The following KCNQ1 variants were observed in gnomAD, a reference collection of about 807,000 sequenced individuals.
KCNQ1 encodes the protein potassium voltage-gated channel subfamily KQT member 1.
KCNQ1 carries 49 observed loss-of-function variants against 72.4 expected under a neutral mutation model. The observed-to-expected ratio is 0.68, with a 90% CI of 0.54 to 0.86. KCNQ1 has a LOEUF of 0.86. KCNQ1 is among the 40% of genes least tolerant of loss of function. The pLI is 0.00. For missense variants in KCNQ1, 790 were observed against 945.1 expected, an observed-to-expected ratio of 0.84 and a Z score of 2.15; for synonymous variants, 450 against 412.6, an observed-to-expected ratio of 1.09 and a Z score of -1.10.
Position 2,600,544 on chromosome 11 carries a change from T to G in KCNQ1, c.1393+11690T>G, listed in dbSNP as rs79788924. On this transcript the variant is annotated intron_variant, in intron 10 of 15. Transcript: ENST00000155840. This position sits in a 1 kb window ranked among gnomAD's most constrained non-coding sequence, Gnocchi z 5.6. ...TCCACAGCTCTTTGCCCCTAAACAT[T>G]TTGCTGTGTATTTCTGAAAAATAAA... Among the ~76,000 whole-genome samples the G allele has an allele frequency of 2.4e-3, 358 of 152,322 alleles. 1 individual carries two copies. The highest frequency in any genetic ancestry group is 7.3e-3 in the African/African-American group (304 of 41,572).
At chr11:2,689,256 C>T (rs1333119363) in intron 11 of KCNQ1, 5 of 398,590 alleles carry the variant, frequency 1.3e-5, no homozygotes, top group African/African-American at 8.2e-5. Context: ...CCTTGGAGGA[C>T]GTTCCTATCA....
intron 10 of KCNQ1, chr11:2,660,089 T>C (rs1849924978): frequency 1.5e-5 from 6 of 398,468 alleles, no homozygotes; most frequent in Non-Finnish European, 2.7e-5. Context: ...AGTTAAACTT[T>C]TGGTTTCGTA....
At position 2,847,931 on chromosome 11, in the gene KCNQ1, C is replaced by A. The variant is rs1193004834; in HGVS notation, c.1959C>A (p.Phe653Leu). Residue 653 changes from phenylalanine to leucine, a missense_variant, in exon 16 of 16, where the codon TTC becomes TTA. By Grantham distance (22) the Phe-to-Leu change is conservative (BLOSUM62 0). Around this residue, in one of 5 missense-constraint regions of KCNQ1, gnomAD observed 94 missense variants for 85.2 expected, o/e 1.10. Coordinates refer to ENST00000155840, the MANE Select transcript of KCNQ1 (RefSeq NM_000218.3). The stretch of plus-strand genomic sequence containing the variant: ...GCGGCTCCGTCGACCCTGAGCTCTT[C>A]CTGCCCAGCAACACCCTGCCCACCT... ...GSGGSVDPEL[F>L]LPSNTLPTYE... The A allele has an allele frequency of 2.5e-6, 4 of 1,575,460 alleles. No homozygotes were observed. The highest frequency in any genetic ancestry group is 3.4e-6 in the Non-Finnish European group (4 of 1,160,164).
At chr11:2,757,803 G>A (rs746423059) in intron 11 of KCNQ1, among the ~76,000 whole-genome samples, 44 of 152,174 alleles carry the variant, frequency 2.9e-4, no homozygotes, top group African/African-American at 7.2e-4. Context: ...AAAATTCAGC[G>A]GAGGAAGACT....
chr11:2,586,815 C>A (rs1313672101), intron 8 of KCNQ1, among the ~76,000 whole-genome samples: 1 of 152,092 alleles, frequency 6.6e-6, no homozygotes, highest in African/African-American at 2.4e-5. Context: ...CTCCACTCGG[C>A]CCTCTCTCAG....
rs1278789853 is a variant in KCNQ1 at position 2,493,029 on chromosome 11, AT to A, written c.387-34893del. On this transcript the variant is annotated intron_variant, in intron 1 of 15. Transcript: ENST00000155840. The surrounding 1 kb of genome is among the most constrained non-coding windows in gnomAD (Gnocchi z 5.3). Reference sequence around the variant, plus strand: ...CCTCTCCAGCATCTGTTGTTTCCTGATTTTTTAGTGATCGCCATTCTAACTG... The same window carrying A: ...CCTCTCCAGCATCTGTTGTTTCCTGATTTTTAGTGATCGCCATTCTAACTG... 6.6e-6 allele frequency among the ~76,000 whole-genome samples: 1 copy of A among 151,988 alleles called. No individual in the cohort carries two copies. Among genetic ancestry groups the A allele is most frequent in the African/African-American group, 2.4e-5 (1 of 41,354 alleles).
At position 2,734,933 on chromosome 11, in the gene KCNQ1, A is replaced by G. The variant is rs1845930173; in HGVS notation, c.1515-33911A>G. Among the ~76,000 whole-genome samples, 2 of 151,758 alleles carry G rather than the reference A, an allele frequency of 1.3e-5. No homozygotes were observed. Among genetic ancestry groups the G allele is most frequent in the Admixed American group, 6.6e-5 (1 of 15,264 alleles). On this transcript the variant is annotated intron_variant, in intron 11 of 15. Transcript: ENST00000155840. The surrounding 1 kb of genome is among the most constrained non-coding windows in gnomAD (Gnocchi z 7.0). Reference sequence around the variant, plus strand: ...TCCAGGAGGCTTCTGGGCCAGCAGCATGTTCCAGTGCGACACATGTGCCCC... The same window carrying G: ...TCCAGGAGGCTTCTGGGCCAGCAGCGTGTTCCAGTGCGACACATGTGCCCC...
Position 2,608,137 on chromosome 11 carries a change from G to A in KCNQ1, c.1393+19283G>A, listed in dbSNP as rs1329006562. The stretch of plus-strand genomic sequence containing the variant: ...CAGGGTGATACTGGACTGAAAGAAT[G>A]TATTGGAAAAATTTTCCTTCTCTTC... On this transcript the variant is annotated intron_variant, in intron 10 of 15. Transcript: ENST00000155840. This position sits in a 1 kb window ranked among gnomAD's most constrained non-coding sequence, Gnocchi z 4.6. Among the ~76,000 whole-genome samples the A allele has an allele frequency of 2.0e-5, 3 of 152,166 alleles. No individual in the cohort carries two copies. Among genetic ancestry groups the A allele is most frequent in the Non-Finnish European group, 4.4e-5 (3 of 68,024 alleles).
In KCNQ1 at chr11:2,663,496, G is replaced by T; in HGVS notation, c.1514+1415G>T. The T allele has an allele frequency of 2.5e-6, 1 of 398,680 alleles. No homozygotes were observed. The highest frequency in any genetic ancestry group is 1.3e-4 in the South Asian group (1 of 7,854). 24.7% of individuals were successfully genotyped at this position (398,680 alleles called of 1,614,324 possible). On this transcript the variant is annotated intron_variant, in intron 11 of 15. Coordinates refer to ENST00000155840, the MANE Select transcript of KCNQ1 (RefSeq NM_000218.3). The surrounding 1 kb of genome is among the most constrained non-coding windows in gnomAD (Gnocchi z 5.2). The stretch of plus-strand genomic sequence containing the variant: ...GGCTCATGTTGTGTGCAATACAGGT[G>T]GCAGTGCCTGTATTGCCTCTTGGCT...
At position 2,668,319 on chromosome 11, in the gene KCNQ1, G is replaced by C. The variant is rs1195884145; in HGVS notation, c.1514+6238G>C. Reference sequence around the variant, plus strand: ...CAGGTTGCGTTTCTGGGGAATATATGCCTATGTGTGGAGCTGCAGGGTCCT... The same window carrying C: ...CAGGTTGCGTTTCTGGGGAATATATCCCTATGTGTGGAGCTGCAGGGTCCT... On this transcript the variant is annotated intron_variant, in intron 11 of 15. Coordinates refer to ENST00000155840, the MANE Select transcript of KCNQ1 (RefSeq NM_000218.3). This position sits in a 1 kb window ranked among gnomAD's most constrained non-coding sequence, Gnocchi z 4.3. 1 of 398,488 alleles carries C rather than the reference G, an allele frequency of 2.5e-6. No homozygotes were observed. The highest frequency in any genetic ancestry group is 2.1e-5 in the African/African-American group (1 of 48,604). 24.7% of individuals were successfully genotyped at this position (398,488 alleles called of 1,614,324 possible).
chr11:2,667,244 G>A lies in KCNQ1; in HGVS notation c.1514+5163G>A, dbSNP rs1590019040. 1.8e-5 allele frequency: 7 copies of A among 398,674 alleles called. No individual in the cohort carries two copies. In the East Asian group the frequency reaches 2.5e-4, roughly 14 times the overall value. The allele number at this position is 398,674 out of a possible 1,614,324, so 24.7% of individuals were successfully genotyped here. On this transcript the variant is annotated intron_variant, in intron 11 of 15. Coordinates refer to ENST00000155840, the MANE Select transcript of KCNQ1 (RefSeq NM_000218.3). ...TCCAAACTTCACTTCCTCCGTCTGA[G>A]CACGTGAGGAAGAAGCGGCTGGCCT...
chr11:2,532,337 G>C (rs1017289693), intron 2 of KCNQ1, among the ~76,000 whole-genome samples: 1 of 152,218 alleles, frequency 6.6e-6, no homozygotes, highest in Non-Finnish European at 1.5e-5. Context: ...GGATGACCCA[G>C]CTTGGTATGT....
At chr11:2,730,428 C>T (rs1022612342) in intron 11 of KCNQ1, among the ~76,000 whole-genome samples, 3 of 152,202 alleles carry the variant, frequency 2.0e-5, no homozygotes, top group African/African-American at 7.2e-5. Flanking sequence ...AAGGGAGGCC[C>T]CACCTCCCTT....
chr11:2,652,498 T>TA lies in KCNQ1; in HGVS notation c.1394-9463_1394-9462insA. 1 of 398,658 alleles carries TA rather than the reference T, an allele frequency of 2.5e-6. No individual in the cohort carries two copies. The highest frequency in any genetic ancestry group is 1.3e-4 in the South Asian group (1 of 7,862). The allele number at this position is 398,658 out of a possible 1,614,324, so 24.7% of individuals were successfully genotyped here. A position where few individuals can be genotyped will look rare whatever the true frequency, so the allele number is the denominator to read the frequency against. On this transcript the variant is annotated intron_variant, in intron 10 of 15. Transcript: ENST00000155840. The surrounding 1 kb of genome is among the most constrained non-coding windows in gnomAD (Gnocchi z 5.9). Reference sequence around the variant, plus strand: ...TTTCCTCCCCACCTCTCCAGAGGTTTCTGGGGAATGTCCTGTGAGCTCAAC... The same window carrying TA: ...TTTCCTCCCCACCTCTCCAGAGGTTTACTGGGGAATGTCCTGTGAGCTCAAC...
chr11:2,619,289 G>T (rs973600567), intron 10 of KCNQ1: 1 of 398,308 alleles, frequency 2.5e-6, no homozygotes, highest in African/African-American at 2.1e-5. Context: ...TTCCCTCATT[G>T]ATTATAACGT....
At chr11:2,718,161 G>A (rs1296439164) in intron 11 of KCNQ1, among the ~76,000 whole-genome samples, 2 of 152,138 alleles carry the variant, frequency 1.3e-5, no homozygotes, top group Non-Finnish European at 2.9e-5. Flanking sequence ...GGAGCTGAGA[G>A]CCCCACTGCA....
Position 2,718,578 on chromosome 11 carries a change from C to G in KCNQ1, c.1515-50266C>G, listed in dbSNP as rs553789255. Among the ~76,000 whole-genome samples the G allele has an allele frequency of 9.8e-5, 15 of 152,342 alleles. No homozygotes were observed. The South Asian group carries it at 3.1e-3, about 32-fold the overall frequency. Reference sequence around the variant, plus strand: ...TCGGGCATCTGAGCTAGCTGAGGCTCCTTGGAGCACATGCATGGCCTGGAC... The same window carrying G: ...TCGGGCATCTGAGCTAGCTGAGGCTGCTTGGAGCACATGCATGGCCTGGAC... On this transcript the variant is annotated intron_variant, in intron 11 of 15. Coordinates refer to ENST00000155840, the MANE Select transcript of KCNQ1 (RefSeq NM_000218.3).
rs973632489 is a variant in KCNQ1 at position 2,658,946 on chromosome 11, G to A, written c.1394-3015G>A. The A allele has an allele frequency of 1.3e-5, 5 of 398,276 alleles. No individual in the cohort carries two copies. Among genetic ancestry groups the A allele is most frequent in the African/African-American group, 1.0e-4 (5 of 48,544 alleles). 24.7% of individuals were successfully genotyped at this position (398,276 alleles called of 1,614,324 possible). On this transcript the variant is annotated intron_variant, in intron 10 of 15. Transcript: ENST00000155840. The surrounding 1 kb of genome is among the most constrained non-coding windows in gnomAD (Gnocchi z 4.9). ...TTACCTACTAGATTAGAGTGTTTAGGACAGACTTTTGCTTTAACCATAGAG... is the reference window on the plus strand; with the variant it reads ...TTACCTACTAGATTAGAGTGTTTAGAACAGACTTTTGCTTTAACCATAGAG...
intron 11 of KCNQ1, chr11:2,693,423 T>C (rs1017072184): frequency 2.5e-6 from 1 of 398,530 alleles, no homozygotes; most frequent in Non-Finnish European, 4.4e-6. Context: ...ATAAGCTTGT[T>C]TTGCCAGGCG....
Sources: gnomAD v4.1 joint callset for allele counts (sites outside exome capture counted in the v4.1 genomes callset) on GRCh38, gnomAD v4.1.1 for gene constraint, gnomAD v4.1.1 regional missense constraint, Gnocchi (gnomAD v3.1) non-coding constraint, MANE v1.5 for transcripts, NCBI Gene and HGNC (gene_info 2026-07-23, HGNC 2026-07-21) for gene names.